The following ANKS1B variants were observed in gnomAD, a reference collection of about 807,000 sequenced individuals.
ANKS1B encodes the protein ankyrin repeat and sterile alpha motif domain-containing protein 1B.
Under a neutral mutation model 148.3 loss-of-function variants are expected in ANKS1B, and 36 were observed. That is an observed-to-expected ratio of 0.24 (90% confidence interval 0.19 to 0.32). The LOEUF is 0.32. ANKS1B is among the 10% of genes least tolerant of loss of function. The probability of loss-of-function intolerance (pLI) is 1.00; values close to 1 mark genes in which losing one functional copy is unlikely to be tolerated. For synonymous variants in ANKS1B, 542 were observed against 560.8 expected, an observed-to-expected ratio of 0.97 and a Z score of 0.47; for missense variants, 1,157 against 1,542.6, an observed-to-expected ratio of 0.75 and a Z score of 4.19.
chr12:99,067,035 T>C (rs989627050), intron 16 of ANKS1B, among the ~76,000 whole-genome samples: 13 of 152,210 alleles, frequency 8.5e-5, no homozygotes, highest in African/African-American at 2.2e-4. Context: ...GAATGGGTGA[T>C]TCTGAATGAT....
chr12:98,896,682 T>A (rs1000756495), intron 17 of ANKS1B, among the ~76,000 whole-genome samples: 1 of 152,214 alleles, frequency 6.6e-6, no homozygotes, highest in Non-Finnish European at 1.5e-5. Context: ...AAGACCTGCA[T>A]CTTGACTGGT....
chr12:99,095,341 G>T (rs1397414113), intron 15 of ANKS1B, among the ~76,000 whole-genome samples: 1 of 152,138 alleles, frequency 6.6e-6, no homozygotes, highest in African/African-American at 2.4e-5. Context: ...GACAGAAGTT[G>T]TCATTGGGGA....
chr12:99,374,369 C>G (rs954943911), intron 12 of ANKS1B, among the ~76,000 whole-genome samples: 3 of 152,068 alleles, frequency 2.0e-5, no homozygotes, highest in Non-Finnish European at 4.4e-5. Flanking sequence ...TCCCACATCC[C>G]AGAGATGCAC....
chr12:99,494,317 T>A (rs889225941), intron 10 of ANKS1B, among the ~76,000 whole-genome samples: 1 of 152,106 alleles, frequency 6.6e-6, no homozygotes, highest in Non-Finnish European at 1.5e-5. Context: ...AGCACGGGAA[T>A]AAAGAGAGAA....
intron 15 of ANKS1B, among the ~76,000 whole-genome samples, chr12:99,139,236 CCT>C (rs2069262000): frequency 6.9e-6 from 1 of 145,970 alleles, no homozygotes; most frequent in Admixed American, 6.8e-5. Flanking sequence ...TTCCTTCCTT[CCT>C]TCTCTCTTTC....
At chr12:99,242,881 C>A (rs1280839547) in intron 14 of ANKS1B, among the ~76,000 whole-genome samples, 1 of 152,136 alleles carries the variant, frequency 6.6e-6, no homozygotes, top group Non-Finnish European at 1.5e-5. Flanking sequence ...ACACCATATA[C>A]AAAAATTAAC....
intron 1 of ANKS1B, among the ~76,000 whole-genome samples, chr12:99,849,007 T>C (rs58829351): frequency 0.063 from 9,588 of 151,904 alleles, 334 homozygotes; most frequent in Middle Eastern, 0.15. Context: ...TACATGCACA[T>C]AAAGATGGGA....
intron 17 of ANKS1B, among the ~76,000 whole-genome samples, chr12:98,926,771 A>T (rs1225993731): frequency 6.6e-6 from 1 of 152,152 alleles, no homozygotes; most frequent in African/African-American, 2.4e-5. Flanking sequence ...AGTGGGGCTC[A>T]ACAGAAGAAA....
chr12:99,426,296 T>C (rs991359939), intron 11 of ANKS1B, among the ~76,000 whole-genome samples: 10 of 152,212 alleles, frequency 6.6e-5, no homozygotes, highest in African/African-American at 2.4e-4. Flanking sequence ...GCAATTATTA[T>C]GTAGATATCC....
intron 14 of ANKS1B, among the ~76,000 whole-genome samples, chr12:99,206,499 T>C (rs1417208058): frequency 6.6e-6 from 1 of 152,196 alleles, no homozygotes; most frequent in Non-Finnish European, 1.5e-5. Context: ...TAATGGGCTC[T>C]TTTCAAAGAT....
At chr12:99,232,137 C>A (rs1416329861) in intron 14 of ANKS1B, among the ~76,000 whole-genome samples, 1 of 152,110 alleles carries the variant, frequency 6.6e-6, no homozygotes, top group Non-Finnish European at 1.5e-5. Context: ...TATTTTCCAG[C>A]AAATTGTCTA....
intron 17 of ANKS1B, among the ~76,000 whole-genome samples, chr12:99,032,590 T>G (rs2099952920): frequency 6.6e-6 from 1 of 152,214 alleles, no homozygotes; most frequent in Non-Finnish European, 1.5e-5. Context: ...GATCTGATCT[T>G]GGATCCTAAA....
intron 9 of ANKS1B, among the ~76,000 whole-genome samples, chr12:99,596,294 T>TC (rs2097758035): frequency 6.6e-6 from 1 of 151,848 alleles, no homozygotes; most frequent in Non-Finnish European, 1.5e-5. Flanking sequence ...TCTCATGGTA[T>TC]CATCAATCCT....
At chr12:99,381,773 C>G (rs2093652930) in intron 12 of ANKS1B, among the ~76,000 whole-genome samples, 1 of 152,140 alleles carries the variant, frequency 6.6e-6, no homozygotes, top group Admixed American at 6.5e-5. Flanking sequence ...CAACTAGAAG[C>G]AAAGAATGAA....
intron 1 of ANKS1B, among the ~76,000 whole-genome samples, chr12:99,941,451 G>A (rs1566046642): frequency 8.1e-6 from 1 of 124,154 alleles, no homozygotes; most frequent in Non-Finnish European, 1.8e-5. Context: ...TAAAGGCAGT[G>A]GGAATAGAAA....
intron 1 of ANKS1B, among the ~76,000 whole-genome samples, chr12:99,971,902 T>C (rs752315761): frequency 1.7e-4 from 26 of 152,368 alleles, no homozygotes; most frequent in Non-Finnish European, 3.8e-4. Flanking sequence ...TCATAGATAC[T>C]GTACTTTTTT....
chr12:99,529,264 TAAG>T (rs1206189167), intron 9 of ANKS1B, among the ~76,000 whole-genome samples: 1 of 152,194 alleles, frequency 6.6e-6, no homozygotes, highest in Non-Finnish European at 1.5e-5. Context: ...AGTTCACCAA[TAAG>T]AAGATGACAA....
chr12:99,331,698 G>A (rs1205921160), intron 12 of ANKS1B, among the ~76,000 whole-genome samples: 1 of 151,982 alleles, frequency 6.6e-6, no homozygotes, highest in Non-Finnish European at 1.5e-5. Flanking sequence ...TAAAATGAAG[G>A]CAAAACAATT....
chr12:99,635,530 A>G (rs921733285), intron 9 of ANKS1B, among the ~76,000 whole-genome samples: 2 of 152,200 alleles, frequency 1.3e-5, no homozygotes, highest in Non-Finnish European at 2.9e-5. Context: ...GATTCCACTT[A>G]GTTGAGGTAT....
Sources: allele counts gnomAD v4.1 joint callset (sites outside exome capture counted in the v4.1 genomes callset), GRCh38; gene constraint gnomAD v4.1.1; transcripts MANE v1.5; gene names NCBI Gene and HGNC (gene_info 2026-07-23, HGNC 2026-07-21).